The following TRIM61 variants were observed in gnomAD, a reference collection of about 807,000 sequenced individuals.
TRIM61 encodes the protein tripartite motif containing 61, also known as putative tripartite motif-containing protein 61.
Under a neutral mutation model 14.2 loss-of-function variants are expected in TRIM61, and 1 was observed. The observed-to-expected ratio is 0.07, with a 90% CI of 0.03 to 0.33. TRIM61 has a LOEUF of 0.33. Among genes scored for constraint, TRIM61 ranks in the 10% least tolerant of loss-of-function variants. TRIM61 has a pLI of 0.99. For synonymous variants in TRIM61, 8 were observed against 71.6 expected, an observed-to-expected ratio of 0.11 and a Z score of 4.49; for missense variants, 19 against 202.2, an observed-to-expected ratio of 0.09 and a Z score of 5.49.
chr4:164,955,578 A>AC, intron 3 of TRIM61, among the ~76,000 whole-genome samples: 1 of 151,836 alleles, frequency 6.6e-6, no homozygotes, highest in African/African-American at 2.4e-5. Context: ...CAAAAAAAAA[A>AC]AAAAAAAAAA....
intron 3 of TRIM61, chr4:164,957,684 T>C: frequency 1.4e-6 from 1 of 706,888 alleles, no homozygotes; most frequent in African/African-American, 1.8e-5. Context: ...TGTGCTTTAT[T>C]CGGAAAATGA....
At chr4:164,966,517 G>C (rs1371633465) in intron 3 of TRIM61, among the ~76,000 whole-genome samples, 1 of 152,216 alleles carries the variant, frequency 6.6e-6, no homozygotes, top group African/African-American at 2.4e-5. Flanking sequence ...AGTTCAAAGT[G>C]ACTGCCTCTA....
At chr4:164,972,975 A>G (rs988174880) in intron 2 of TRIM61, among the ~76,000 whole-genome samples, 3 of 152,162 alleles carry the variant, frequency 2.0e-5, no homozygotes, top group African/African-American at 4.8e-5. Flanking sequence ...ACAGTCTCCT[A>G]AAGTACTTAA....
chr4:164,963,139 A>C (rs1336381846), intron 3 of TRIM61, among the ~76,000 whole-genome samples: 2 of 152,010 alleles, frequency 1.3e-5, no homozygotes, highest in African/African-American at 4.8e-5. Context: ...CCAGCTATTC[A>C]GGAGGCTGAG....
Position 164,969,505 on chromosome 4 carries a change from G to A in TRIM61, c.498C>T (p.Thr166=), listed in dbSNP as rs1208257419. ...TTTTCTTCAGTTCCAGTGATTTCCTGGTTTGCATAGTTATGACTTTTTCAA... is the reference window on the plus strand; with the variant it reads ...TTTTCTTCAGTTCCAGTGATTTCCTAGTTTGCATAGTTATGACTTTTTCAA... Residue 166 remains threonine, a synonymous_variant, in exon 3 of 5, where the codon ACC becomes ACT. Transcript: ENST00000329314. 1 of 1,552,226 alleles carries A rather than the reference G, an allele frequency of 6.4e-7. No individual in the cohort carries two copies. The highest frequency in any genetic ancestry group is 8.7e-7 in the Non-Finnish European group (1 of 1,150,532).
At chr4:164,964,992 G>C (rs1209708690) in intron 3 of TRIM61, among the ~76,000 whole-genome samples, 1 of 151,998 alleles carries the variant, frequency 6.6e-6, no homozygotes, top group African/African-American at 2.4e-5. Flanking sequence ...TCTCTGAATT[G>C]GTGTAAAATA....
intron 2 of TRIM61, among the ~76,000 whole-genome samples, chr4:164,974,648 G>A (rs1223990661): frequency 6.6e-6 from 1 of 152,154 alleles, no homozygotes; most frequent in Non-Finnish European, 1.5e-5. Flanking sequence ...GGGAGGCCAA[G>A]CTGGGTGGAT....
chr4:164,969,213 A>C, intron 3 of TRIM61: 2 of 1,295,784 alleles, frequency 1.5e-6, no homozygotes, highest in Non-Finnish European at 2.0e-6. Flanking sequence ...AGCTCAGGGA[A>C]TTTTAAATTC....
At chr4:164,958,099 T>C (rs1732055970) in intron 3 of TRIM61, 1 of 167,086 alleles carries the variant, frequency 6.0e-6, no homozygotes, top group Admixed American at 6.5e-5. Flanking sequence ...AAGGCTGTTA[T>C]TACCAGGAGG....
chr4:164,955,803 C>G (rs1731974150), intron 3 of TRIM61, among the ~76,000 whole-genome samples: 1 of 152,068 alleles, frequency 6.6e-6, no homozygotes, highest in Admixed American at 6.6e-5. Flanking sequence ...TGCCTAGTCT[C>G]GCTCTTTCCT....
At chr4:164,974,650 T>G (rs1159184532) in intron 2 of TRIM61, among the ~76,000 whole-genome samples, 1 of 151,544 alleles carries the variant, frequency 6.6e-6, no homozygotes, top group African/African-American at 2.4e-5. Context: ...GAGGCCAAGC[T>G]GGGTGGATCG....
intron 3 of TRIM61, among the ~76,000 whole-genome samples, chr4:164,964,680 ATTT>A (rs1732201865): frequency 6.6e-6 from 1 of 152,130 alleles, no homozygotes; most frequent in Non-Finnish European, 1.5e-5. Flanking sequence ...TATTATAGTG[ATTT>A]TTTGGGACAT....
intron 3 of TRIM61, chr4:164,956,946 G>T (rs984801019): frequency 4.4e-6 from 6 of 1,369,756 alleles, no homozygotes; most frequent in Non-Finnish European, 5.8e-6. Context: ...CACCGTCTCT[G>T]GGCTTCGACT....
intron 3 of TRIM61, among the ~76,000 whole-genome samples, chr4:164,965,234 G>C (rs1204065930): frequency 6.6e-6 from 1 of 152,044 alleles, no homozygotes; most frequent in Non-Finnish European, 1.5e-5. Context: ...GCTGCAGTGA[G>C]CTGAGATTGC....
At chr4:164,958,622 C>A (rs2111132360) in intron 3 of TRIM61, 1 of 167,062 alleles carries the variant, frequency 6.0e-6, no homozygotes, top group Non-Finnish European at 1.5e-5. Flanking sequence ...GCCTACTCTT[C>A]AGAGATGTAA....
chr4:164,964,071 C>A (rs985037423), intron 3 of TRIM61, among the ~76,000 whole-genome samples: 5 of 151,256 alleles, frequency 3.3e-5, no homozygotes, highest in South Asian at 2.1e-4. Context: ...GAAAAATGGC[C>A]GGGCGCGGTG....
rs759476202 is a variant in TRIM61 at position 164,966,601 on chromosome 4, A to T, written c.525+2877T>A. 1.3e-4 allele frequency among the ~76,000 whole-genome samples: 20 copies of T among 152,334 alleles called. No homozygotes were observed. The East Asian group carries it at 2.5e-3, about 19-fold the overall frequency. ...TCTTGTGAACAATAACTCAAACATTAAACCTAGATTTTTAAAAATTGTACT... is the reference window on the plus strand; with the variant it reads ...TCTTGTGAACAATAACTCAAACATTTAACCTAGATTTTTAAAAATTGTACT... On this transcript the variant is annotated intron_variant, in intron 3 of 4. Transcript: ENST00000329314.
In TRIM61 at chr4:164,961,153, C is replaced by CAAAAAAAAAAAAAAAAAAAAAA. The variant is rs762554625; in HGVS notation, c.526-6079_526-6058dup. 1.7e-3 allele frequency among the ~76,000 whole-genome samples: 54 copies of CAAAAAAAAAAAAAAAAAAAAAA among 31,722 alleles called. 16 individuals carry two copies. The highest frequency in any genetic ancestry group is 2.9e-3 in the Non-Finnish European group (43 of 14,934). 20.8% of individuals were successfully genotyped at this position (31,722 alleles called of 152,430 possible). On this transcript the variant is annotated intron_variant, in intron 3 of 4. Coordinates refer to ENST00000329314, the MANE Select transcript of TRIM61 (RefSeq NM_001012414.3). ...ATGACAGAAAATAAGAACTCTCAGG[C>CAAAAAAAAAAAAAAAAAAAAAA]AAAAAAAAAAAAAAAAAAAAAAAAA...
chr4:164,964,347 CAA>C (rs70952673), intron 3 of TRIM61, among the ~76,000 whole-genome samples: 9 of 71,812 alleles, frequency 1.3e-4, no homozygotes, highest in East Asian at 4.8e-4. Context: ...GACTCTGTCT[CAA>C]AAAAAAAAAA....
Sources: gnomAD v4.1 joint callset for allele counts (sites outside exome capture counted in the v4.1 genomes callset) on GRCh38, gnomAD v4.1.1 for gene constraint, MANE v1.5 for transcripts, NCBI Gene and HGNC (gene_info 2026-07-23, HGNC 2026-07-21) for gene names.